RBPJ: variants seen among roughly 807,000 people sequenced by gnomAD.
RBPJ encodes the protein recombining binding protein suppressor of hairless.
RBPJ carries 9 observed loss-of-function variants against 67.8 expected under a neutral mutation model. The observed-to-expected ratio is 0.13, with a 90% CI of 0.08 to 0.23. RBPJ has a LOEUF of 0.23. RBPJ is among the 10% of genes least tolerant of loss of function. The pLI is 1.00. For missense variants in RBPJ, 305 were observed against 595.6 expected (o/e 0.51, Z 5.08); for synonymous variants, 198 against 203.3 (o/e 0.97, Z 0.22).
intron 1 of RBPJ, among the ~76,000 whole-genome samples, chr4:26,259,378 T>A (rs904775527): frequency 2.6e-5 from 4 of 152,138 alleles, no homozygotes; most frequent in African/African-American, 9.7e-5. Flanking sequence ...CAAGAAAAAA[T>A]GGCTTGAGTA....
intron 1 of RBPJ, among the ~76,000 whole-genome samples, chr4:26,190,615 A>C (rs1214612213): frequency 6.6e-6 from 1 of 152,184 alleles, no homozygotes. Context: ...GGGGCCTCAA[A>C]ACTATCCTTA....
At chr4:26,329,879 G>GT (rs1724050042) in intron 1 of RBPJ, among the ~76,000 whole-genome samples, 1 of 151,338 alleles carries the variant, frequency 6.6e-6, no homozygotes, top group South Asian at 2.1e-4. Flanking sequence ...GGGCGACAGA[G>GT]TGAGACTCTG....
At chr4:26,276,726 A>G (rs1203188076) in intron 1 of RBPJ, among the ~76,000 whole-genome samples, 1 of 152,240 alleles carries the variant, frequency 6.6e-6, no homozygotes, top group Non-Finnish European at 1.5e-5. Context: ...CCATGACATT[A>G]GAGCTACAGG....
chr4:26,210,727 C>CTTT (rs1718371547), intron 1 of RBPJ, among the ~76,000 whole-genome samples: 1 of 61,776 alleles, frequency 1.6e-5, no homozygotes. Flanking sequence ...TTCTTTCTTT[C>CTTT]CTTCTTTACT....
chr4:26,382,509 T>C (rs1242009817), intron 1 of RBPJ, among the ~76,000 whole-genome samples: 2 of 152,216 alleles, frequency 1.3e-5, no homozygotes, highest in Non-Finnish European at 2.9e-5. Flanking sequence ...TTAGTTTGAT[T>C]GTGACCTCGG....
chr4:26,198,045 G>A (rs954159587), intron 1 of RBPJ, among the ~76,000 whole-genome samples: 1 of 152,036 alleles, frequency 6.6e-6, no homozygotes. Context: ...ATCACCTGAG[G>A]TCAGGAGTTC....
chr4:26,254,375 C>G (rs2109240615), intron 1 of RBPJ, among the ~76,000 whole-genome samples: 1 of 148,976 alleles, frequency 6.7e-6, no homozygotes, highest in East Asian at 1.9e-4. Flanking sequence ...CTTCACAGGC[C>G]TGCTTTCTTC....
At chr4:26,285,348 A>G (rs1721427298) in intron 1 of RBPJ, among the ~76,000 whole-genome samples, 1 of 139,052 alleles carries the variant, frequency 7.2e-6, no homozygotes, top group Non-Finnish European at 1.5e-5. Context: ...TCAGTTATCT[A>G]TTAGGGCATA....
chr4:26,280,142 C>G (rs921034946), intron 1 of RBPJ, among the ~76,000 whole-genome samples: 2 of 150,788 alleles, frequency 1.3e-5, no homozygotes, highest in African/African-American at 4.9e-5. Context: ...CTCCTGTAAT[C>G]CCTGCACTTT....
intron 2 of RBPJ, among the ~76,000 whole-genome samples, chr4:26,392,771 A>G (rs1410129228): frequency 6.6e-6 from 1 of 152,226 alleles, no homozygotes; most frequent in Non-Finnish European, 1.5e-5. Context: ...AGCTTGTCAC[A>G]TTGCACACTT....
chr4:26,114,351 C>G, the RBPJ span, among the ~76,000 whole-genome samples: 13 of 151,262 alleles, frequency 8.6e-5, no homozygotes, highest in African/African-American at 3.2e-4. Flanking sequence ...CCCAGCTACT[C>G]AAGAGGCTGA....
intron 1 of RBPJ, among the ~76,000 whole-genome samples, chr4:26,277,866 G>A (rs1198552396): frequency 2.0e-5 from 3 of 152,138 alleles, no homozygotes; most frequent in African/African-American, 7.2e-5. Context: ...GTTTCTATCG[G>A]GCTTTAAAAT....
chr4:26,167,506 G>T (rs1462952284), intron 1 of RBPJ, among the ~76,000 whole-genome samples: 2 of 145,616 alleles, frequency 1.4e-5, no homozygotes, highest in Non-Finnish European at 3.0e-5. Context: ...CTCATGATTT[G>T]GCTCTCTGTT....
At chr4:26,396,585 T>G (rs1202386024) in intron 2 of RBPJ, among the ~76,000 whole-genome samples, 1 of 152,282 alleles carries the variant, frequency 6.6e-6, no homozygotes, top group Non-Finnish European at 1.5e-5. Context: ...ACAATAACCT[T>G]TTAAAGCTAA....
At chr4:26,222,773 G>T (rs1718955818) in intron 1 of RBPJ, among the ~76,000 whole-genome samples, 1 of 151,842 alleles carries the variant, frequency 6.6e-6, no homozygotes, top group African/African-American at 2.4e-5. Context: ...TACAAAAGGG[G>T]CAGAGGAAAG....
intron 1 of RBPJ, among the ~76,000 whole-genome samples, chr4:26,215,337 G>A (rs764003006): frequency 0.6 from 46,192 of 77,102 alleles, 14,394 homozygotes; most frequent in East Asian, 0.8. Context: ...AAAAGAGAGA[G>A]AGAAAGAAAG....
chr4:26,127,235 A>G, the RBPJ span, among the ~76,000 whole-genome samples: 1 of 152,242 alleles, frequency 6.6e-6, no homozygotes, highest in African/African-American at 2.4e-5. Context: ...AGCACATCAC[A>G]GCATCTGCTA....
At chr4:26,382,997 A>G (rs973405088) in intron 1 of RBPJ, among the ~76,000 whole-genome samples, 1 of 152,250 alleles carries the variant, frequency 6.6e-6, no homozygotes, top group Non-Finnish European at 1.5e-5. Flanking sequence ...TCAGGATTGC[A>G]TGCAATTAAT....
At chr4:26,133,299 A>G in the RBPJ span, among the ~76,000 whole-genome samples, 1 of 152,238 alleles carries the variant, frequency 6.6e-6, no homozygotes, top group Non-Finnish European at 1.5e-5. Context: ...CTCAAGGCCA[A>G]GTGCAATGGT....
Sources: gnomAD v4.1 joint callset for allele counts (sites outside exome capture counted in the v4.1 genomes callset) on GRCh38, gnomAD v4.1.1 for gene constraint, MANE v1.5 for transcripts, NCBI Gene and HGNC (gene_info 2026-07-23, HGNC 2026-07-21) for gene names.